The following GLB1L variants were observed in gnomAD, a reference collection of about 807,000 sequenced individuals.
GLB1L encodes galactosidase beta 1 like.
Under a neutral mutation model 75.7 loss-of-function variants are expected in GLB1L, and 58 were observed. The observed-to-expected ratio is 0.77, with a 90% CI of 0.62 to 0.95. The LOEUF is 0.95. GLB1L is among the 40% of genes least tolerant of loss of function. The pLI, the probability that GLB1L is intolerant of heterozygous loss-of-function variation, is 0.00. For missense variants in GLB1L, 797 were observed against 805.5 expected (o/e 0.99, Z 0.13); for synonymous variants, 296 against 303.0 (o/e 0.98, Z 0.24).
In GLB1L at chr2:219,242,799, G is replaced by A; in HGVS notation, c.359C>T (p.Pro120Leu). The A allele has an allele frequency of 6.2e-7, 1 of 1,614,174 alleles. No individual in the cohort carries two copies. Among genetic ancestry groups the A allele is most frequent in the Non-Finnish European group, 8.5e-7 (1 of 1,180,020 alleles). The change falls in exon 4 of 17, where the codon CCA becomes CTA. Residue 120 changes from proline to leucine, a missense_variant. Physicochemically the swap from Pro to Leu is moderately conservative, Grantham distance 98. Transcript: ENST00000295759. ...ALANLLVILR[P>L]GPYICAEWEM... The stretch of plus-strand genomic sequence containing the variant: ...CCACTCTGCACAGATGTAAGGTCCT[G>A]GTCTCAGTATGACCAACAGGTTCGC...
Position 219,237,961 on chromosome 2 carries a change from TGGATAGGAGATA to T in GLB1L, c.1342-16_1342-5del. On this transcript the variant is annotated splice_region_variant and splice_polypyrimidine_tract_variant and intron_variant, in intron 14 of 16. Coordinates refer to ENST00000295759, the MANE Select transcript of GLB1L (RefSeq NM_001286423.2). Reference sequence around the variant, plus strand: ...GCTCCACAACACCCTGGAACACCTGTGGATAGGAGATAGGATAGGAGCAAGGCTCAGCATCTA... The same window carrying T: ...GCTCCACAACACCCTGGAACACCTGTGGATAGGAGCAAGGCTCAGCATCTA... 6.2e-7 allele frequency: 1 copy of T among 1,614,048 alleles called. No homozygotes were observed. The highest frequency in any genetic ancestry group is 8.5e-7 in the Non-Finnish European group (1 of 1,179,942).
intron 12 of GLB1L, 44 bp downstream of exon 12, chr2:219,238,661 A>G (rs1237180251): frequency 6.3e-7 from 1 of 1,585,878 alleles, no homozygotes; most frequent in South Asian, 1.1e-5. Flanking sequence ...GGCTATTTAG[A>G]AAAAAAAGGT....
At chr2:219,238,961 C>T (rs1381858095) in intron 11 of GLB1L, 131 bp downstream of exon 11, 1 of 844,044 alleles carries the variant, frequency 1.2e-6, no homozygotes, top group South Asian at 1.7e-5. Flanking sequence ...TGGGAAATGC[C>T]TCAGTGGGAT....
In GLB1L at chr2:219,237,970, G is replaced by A; in HGVS notation, c.1342-13C>T. ...CACCCTGGAACACCTGTGGATAGGA[G>A]ATAGGATAGGAGCAAGGCTCAGCAT... On this transcript the variant is annotated splice_polypyrimidine_tract_variant and intron_variant, in intron 14 of 16. Coordinates refer to ENST00000295759, the MANE Select transcript of GLB1L (RefSeq NM_001286423.2). 1.2e-6 allele frequency: 2 copies of A among 1,613,888 alleles called. No individual in the cohort carries two copies. Among genetic ancestry groups the A allele is most frequent in the Middle Eastern group, 1.7e-4 (1 of 6,060 alleles).
chr2:219,242,799 G>C lies in GLB1L; in HGVS notation c.359C>G (p.Pro120Arg). Residue 120 changes from proline (P) to arginine (R), a missense_variant, in exon 4 of 17, where the codon CCA becomes CGA. Pro to Arg is a moderately radical substitution (Grantham distance 103). Transcript: ENST00000295759. Reference sequence around the variant, plus strand: ...CCACTCTGCACAGATGTAAGGTCCTGGTCTCAGTATGACCAACAGGTTCGC... The same window carrying C: ...CCACTCTGCACAGATGTAAGGTCCTCGTCTCAGTATGACCAACAGGTTCGC... ...ALANLLVILR[P>R]GPYICAEWEM... The C allele has an allele frequency of 6.2e-7, 1 of 1,614,174 alleles. No homozygotes were observed.
rs758040894 is a variant in GLB1L at position 219,237,379 on chromosome 2, A to C, written c.1690-32T>G. 40 of 1,605,500 alleles carry C rather than the reference A, an allele frequency of 2.5e-5. 1 individual carries two copies. In the East Asian group the frequency reaches 2.9e-4, roughly 12 times the overall value. On this transcript the variant is annotated intron_variant, in intron 16 of 16. Transcript: ENST00000295759. ...AATAGGGAGCAGGAAAGAGGGGAAAAGAAAGGGTCAGCTCTCCAGGGGTAG... is the reference window on the plus strand; with the variant it reads ...AATAGGGAGCAGGAAAGAGGGGAAACGAAAGGGTCAGCTCTCCAGGGGTAG...
intron 1 of GLB1L, 24 bp from the exon 2 acceptor site, chr2:219,243,667 C>A: frequency 2.3e-6 from 3 of 1,284,126 alleles, no homozygotes; most frequent in East Asian, 4.7e-5. Flanking sequence ...GGGGCGGAAA[C>A]CACCTCAAGT....
intron 14 of GLB1L, 84 bp from the exon 15 acceptor site, chr2:219,238,041 T>A: frequency 7.2e-7 from 1 of 1,389,668 alleles, no homozygotes; most frequent in Non-Finnish European, 1.0e-6. Context: ...AGGATACTTA[T>A]TTGGAGGGCA....
rs1314996110 is a variant in GLB1L, at chr2:219,242,530, T to C, written c.435A>G (p.Leu145=). 6.2e-7 allele frequency: 1 copy of C among 1,612,964 alleles called. No individual in the cohort carries two copies. Among genetic ancestry groups the C allele is most frequent in the South Asian group, 1.1e-5 (1 of 91,056 alleles). ...SWLLRKPEIH[L]RTSDPDFLAA... ...TCAACTCACCTGGATCTGAGGTTCT[T>C]AGATGAATTTCAGGTTTTCGAAGCA... Residue 145 remains leucine, a synonymous_variant, in exon 5 of 17, where the codon CTA becomes CTG. Transcript: ENST00000295759.
chr2:219,243,377 G>C, intron 2 of GLB1L, 63 bp from the exon 3 acceptor site: 1 of 1,588,820 alleles, frequency 6.3e-7, no homozygotes, highest in South Asian at 1.1e-5. Context: ...GTCAGCGCCT[G>C]CCAAGAGCGG....
rs1361842109 is a variant in GLB1L, at chr2:219,245,331, T to C, written c.-173A>G. 1 of 152,344 alleles carries C rather than the reference T, an allele frequency of 6.6e-6. No individual in the cohort carries two copies. The highest frequency in any genetic ancestry group is 1.5e-5 in the Non-Finnish European group (1 of 68,092). The allele number at this position is 152,344 out of a possible 1,614,324, so 9.4% of individuals were successfully genotyped here. ...GTCTTGACCCCCACCGAAGGCCAAGTAGAGAACCCTCACCAGGGTCCTGGG... is the reference window on the plus strand; with the variant it reads ...GTCTTGACCCCCACCGAAGGCCAAGCAGAGAACCCTCACCAGGGTCCTGGG... On this transcript the variant is annotated 5_prime_UTR_variant, in exon 1 of 17. Transcript: ENST00000295759.
At chr2:219,244,072 G>A (rs1951469611) in intron 1 of GLB1L, 1 of 157,346 alleles carries the variant, frequency 6.4e-6, no homozygotes, top group South Asian at 1.6e-4. Flanking sequence ...GAACCCGGAA[G>A]GCGGAGGTTG....
At position 219,238,745 on chromosome 2, in the gene GLB1L, G is replaced by T; in HGVS notation, c.1097C>A (p.Pro366Gln). The change falls in exon 12 of 17, where the codon CCG (proline) becomes CAG (glutamine). Residue 366 changes from proline to glutamine, a missense_variant. By Grantham distance (76) the Pro-to-Gln change is moderately conservative. Coordinates refer to ENST00000295759, the MANE Select transcript of GLB1L (RefSeq NM_001286423.2). ...AGGTCCAAGCATCATCTTGGGGCTC[G>T]GGGGAGGTAAAGGTCCCAAAGGAAC... ...QEVPLGPLPPPSPKMMLGPVT... is the reference protein window; with the variant it reads ...QEVPLGPLPPQSPKMMLGPVT... 1 of 1,613,852 alleles carries T rather than the reference G, an allele frequency of 6.2e-7. No homozygotes were observed. The highest frequency in any genetic ancestry group is 1.1e-5 in the South Asian group (1 of 91,036).
At chr2:219,238,608 T>C (rs1404191286) in intron 12 of GLB1L, 24 bp from the exon 13 acceptor site, 10 of 1,606,920 alleles carry the variant, frequency 6.2e-6, no homozygotes, top group Middle Eastern at 3.3e-4. Context: ...GGAGAAGAAT[T>C]AGAATATCAG....
chr2:219,241,442 G>GTGTGTATATATA (rs1382897637), intron 5 of GLB1L, among the ~76,000 whole-genome samples: 1 of 82,890 alleles, frequency 1.2e-5, no homozygotes, highest in Admixed American at 1.8e-4. Flanking sequence ...GTGTGTGTGT[G>GTGTGTATATATA]TATATATATA....
Position 219,242,498 on chromosome 2 carries a change from C to T in GLB1L, c.451+16G>A, listed in dbSNP as rs1039940968. On this transcript the variant is annotated intron_variant, in intron 5 of 16. Coordinates refer to ENST00000295759, the MANE Select transcript of GLB1L (RefSeq NM_001286423.2). ...TACTTACTTGCTTCTGTGTTAAATC[C>T]TTTGTCTCAACTCACCTGGATCTGA... 3 of 1,604,358 alleles carry T rather than the reference C, an allele frequency of 1.9e-6. No homozygotes were observed. Among genetic ancestry groups the T allele is most frequent in the East Asian group, 2.2e-5 (1 of 44,836 alleles).
rs1559264180 is a variant in GLB1L, at chr2:219,238,727, A to G, written c.1115T>C (p.Leu372Pro). 1 of 1,614,144 alleles carries G rather than the reference A, an allele frequency of 6.2e-7. No homozygotes were observed. The highest frequency in any genetic ancestry group is 8.5e-7 in the Non-Finnish European group (1 of 1,180,010). The change falls in exon 12 of 17, where the codon CTT becomes CCT. Residue 372 changes from leucine to proline, a missense_variant. Coordinates refer to ENST00000295759, the MANE Select transcript of GLB1L (RefSeq NM_001286423.2). The part of the protein sequence containing the change: ...PLPPPSPKMM[L>P]GPVTLHLVGH... ...TACCAGGTGCAGAGTCACAGGTCCA[A>G]GCATCATCTTGGGGCTCGGGGGAGG...
Position 219,237,195 on chromosome 2 carries a change from G to T in GLB1L, c.1842C>A (p.Pro614=). Residue 614 remains proline (P), a synonymous_variant, in exon 17 of 17, where the codon CCC becomes CCA. Transcript: ENST00000295759. ...TAGGCTTATCCAAAAATTGGACTTG[G>T]GGCTGGAGAGGTACATCTTCTAGTT... is the stretch of plus-strand genomic sequence containing the variant. ...LLELEDVPLQ[P]QVQFLDKPIL... is the part of the protein sequence containing the mutation. 6 of 1,614,122 alleles carry T rather than the reference G, an allele frequency of 3.7e-6. No individual in the cohort carries two copies. The highest frequency in any genetic ancestry group is 5.1e-6 in the Non-Finnish European group (6 of 1,180,014).
At position 219,243,147 on chromosome 2, in the gene GLB1L, C is replaced by G. The variant is rs772620588; in HGVS notation, c.239+1G>C. 1.9e-6 allele frequency: 3 copies of G among 1,603,948 alleles called. No homozygotes were observed. The highest frequency in any genetic ancestry group is 4.5e-5 in the East Asian group (2 of 44,728). ...CCGCGGCTCTTGCGAGCACTTCTTA[C>G]AACTGTATGGCGTTGAGGCCGCTCC... On this transcript the variant is annotated splice_donor_variant, in intron 3 of 16. Transcript: ENST00000295759. LOFTEE classifies it high-confidence loss of function.
Sources: gnomAD v4.1 joint callset for allele counts (sites outside exome capture counted in the v4.1 genomes callset) on GRCh38, gnomAD v4.1.1 for gene constraint, MANE v1.5 for transcripts, NCBI Gene and HGNC (gene_info 2026-07-23, HGNC 2026-07-21) for gene names.